MICU3: variants seen among roughly 807,000 people sequenced by gnomAD.
MICU3 encodes the protein mitochondrial calcium uptake 3.
MICU3 carries 62 observed loss-of-function variants against 66.5 expected under a neutral mutation model. The ratio of observed to expected loss-of-function variants is 0.93; its 90% confidence interval spans 0.76 to 1.15. The LOEUF (loss-of-function observed/expected upper bound fraction) is 1.15, where lower values mean the gene tolerates loss of function less well. Ranked by LOEUF, MICU3 falls within the 50% of genes most tolerant of loss-of-function variation. The pLI is 0.00. For synonymous variants in MICU3, 308 were observed against 240.7 expected (o/e 1.28, Z -2.59); for missense variants, 779 against 664.4 (o/e 1.17, Z -1.90).
Position 17,077,833 on chromosome 8 carries a change from G to A in MICU3, c.618G>A (p.Ser206=), listed in dbSNP as rs758615280. The part of the protein sequence containing the change: ...AETPPVWKGS[S]KLFRNLKEKG... The stretch of plus-strand genomic sequence containing the variant: ...CACCACCAGTTTGGAAAGGCTCATC[G>A]AAGCTATTTCGAAATCTTAAAGAAA... Residue 206 remains serine (S), a synonymous_variant, in exon 4 of 15, where the codon TCG becomes TCA. Coordinates refer to ENST00000318063, the MANE Select transcript of MICU3 (RefSeq NM_181723.3). The A allele has an allele frequency of 1.7e-5, 28 of 1,611,622 alleles. No homozygotes were observed. Among genetic ancestry groups the A allele is most frequent in the East Asian group, 6.7e-5 (3 of 44,746 alleles).
chr8:17,061,545 T>C (rs1321849755), intron 1 of MICU3, among the ~76,000 whole-genome samples: 2 of 152,114 alleles, frequency 1.3e-5, no homozygotes, highest in African/African-American at 2.4e-5. Context: ...ATAGATGTTA[T>C]AGGCAGAAAC....
chr8:17,054,589 A>G (rs554127795), intron 1 of MICU3, among the ~76,000 whole-genome samples: 32 of 152,264 alleles, frequency 2.1e-4, no homozygotes, highest in Middle Eastern at 6.8e-3. Context: ...ACTGTAGGAT[A>G]CTAATAATAC....
chr8:17,132,394 GAA>G, the MICU3 span: 1 of 152,112 alleles, frequency 6.6e-6, no homozygotes, highest in African/African-American at 2.4e-5. Context: ...TCTCATTCCT[GAA>G]AGTTCCAAGT....
At chr8:17,118,472 G>A (rs564584187) in intron 13 of MICU3, among the ~76,000 whole-genome samples, 3 of 151,944 alleles carry the variant, frequency 2.0e-5, no homozygotes, top group Admixed American at 2.0e-4. Flanking sequence ...TACTAACTAT[G>A]GTCAACTTAC....
Position 17,085,229 on chromosome 8 carries a change from C to G in MICU3, c.695-7C>G, listed in dbSNP as rs747979584. 1 of 1,586,724 alleles carries G rather than the reference C, an allele frequency of 6.3e-7. No homozygotes were observed. Among genetic ancestry groups the G allele is most frequent in the African/African-American group, 1.4e-5 (1 of 73,574 alleles). On this transcript the variant is annotated splice_region_variant and splice_polypyrimidine_tract_variant and intron_variant, in intron 5 of 14. Coordinates refer to ENST00000318063, the MANE Select transcript of MICU3 (RefSeq NM_181723.3). ...TTTGTGAATACCTTCTCTGTTTTTT[C>G]TGGCAGAGCCACATGCAGGGTTCAG... is the stretch of plus-strand genomic sequence containing the variant.
intron 4 of MICU3, among the ~76,000 whole-genome samples, chr8:17,080,672 G>A (rs1585386326): frequency 6.6e-6 from 1 of 151,982 alleles, no homozygotes; most frequent in Non-Finnish European, 1.5e-5. Flanking sequence ...CTGTCTATAG[G>A]TCACAATATT....
chr8:17,077,354 A>C (rs1820527169), intron 3 of MICU3, among the ~76,000 whole-genome samples: 1 of 152,136 alleles, frequency 6.6e-6, no homozygotes, highest in East Asian at 1.9e-4. Context: ...TCTAATTCCA[A>C]ATGTGTTACA....
chr8:17,099,704 A>G (rs1405572308), intron 9 of MICU3, among the ~76,000 whole-genome samples: 2 of 151,786 alleles, frequency 1.3e-5, no homozygotes, highest in Non-Finnish European at 2.9e-5. Context: ...TTTATTTTGT[A>G]ATCATTATGT....
intron 1 of MICU3, among the ~76,000 whole-genome samples, chr8:17,033,625 G>T (rs1438687273): frequency 6.6e-6 from 1 of 152,064 alleles, no homozygotes; most frequent in Non-Finnish European, 1.5e-5. Flanking sequence ...TTTTAGTAGA[G>T]ACGGGATTTC....
chr8:17,121,952 A>T lies in MICU3; in HGVS notation c.*1665A>T, dbSNP rs1803225566. ...TTACCTTACACTGAATGTTCTTAAT[A>T]TGATTTGGTACCTAAAGTAATTGAA... On this transcript the variant is annotated 3_prime_UTR_variant, in exon 15 of 15. Coordinates refer to ENST00000318063, the MANE Select transcript of MICU3 (RefSeq NM_181723.3). 6.6e-6 allele frequency: 1 copy of T among 151,830 alleles called. No homozygotes were observed. The highest frequency in any genetic ancestry group is 6.6e-5 in the Admixed American group (1 of 15,252). The allele number at this position is 151,830 out of a possible 1,614,324, so 9.4% of individuals were successfully genotyped here.
rs200222701 is a variant in MICU3 at position 17,098,506 on chromosome 8, A to T, written c.937A>T (p.Thr313Ser). 1 of 1,611,844 alleles carries T rather than the reference A, an allele frequency of 6.2e-7. No individual in the cohort carries two copies. The highest frequency in any genetic ancestry group is 1.1e-5 in the South Asian group (1 of 91,018). ...EELVSRSYWD[T>S]LRRNTSQALF... ...ACTTGTCTCCAGAAGCTATTGGGAT[A>T]CACTGAGACGTAACACAAGCCAAGC... Residue 313 changes from threonine to serine, a missense_variant, in exon 9 of 15, where the codon ACA becomes TCA. Thr to Ser is a moderately conservative substitution (Grantham distance 58). Coordinates refer to ENST00000318063, the MANE Select transcript of MICU3 (RefSeq NM_181723.3).
intron 7 of MICU3, among the ~76,000 whole-genome samples, chr8:17,088,416 T>A (rs549923316): frequency 6.6e-6 from 1 of 152,104 alleles, no homozygotes; most frequent in Non-Finnish European, 1.5e-5. Flanking sequence ...GACTAGAGAA[T>A]TGAATACTTT....
intron 5 of MICU3, among the ~76,000 whole-genome samples, chr8:17,083,847 T>A (rs1821553449): frequency 6.6e-6 from 1 of 151,994 alleles, no homozygotes; most frequent in African/African-American, 2.4e-5. Flanking sequence ...GATCCGATAT[T>A]AGAAGTTAAG....
At chr8:17,106,041 G>C (rs1801709744) in intron 11 of MICU3, among the ~76,000 whole-genome samples, 1 of 152,064 alleles carries the variant, frequency 6.6e-6, no homozygotes, top group African/African-American at 2.4e-5. Flanking sequence ...TTTTCAAAGA[G>C]TTTGGATGTC....
At chr8:17,071,523 G>A (rs535034274) in intron 3 of MICU3, among the ~76,000 whole-genome samples, 45 of 152,140 alleles carry the variant, frequency 3.0e-4, no homozygotes, top group African/African-American at 9.6e-4. Flanking sequence ...AAAACAGTCA[G>A]ATTCTGAGGT....
In MICU3 at chr8:17,120,590, T is replaced by C. The variant is rs560516354; in HGVS notation, c.*303T>C. On this transcript the variant is annotated 3_prime_UTR_variant, in exon 15 of 15. Coordinates refer to ENST00000318063, the MANE Select transcript of MICU3 (RefSeq NM_181723.3). ...GATACTTCCGGTGACTACATATGAA[T>C]GTACTTTCAATATTATTTTTTTATT... 1 of 152,460 alleles carries C rather than the reference T, an allele frequency of 6.6e-6. No homozygotes were observed. The highest frequency in any genetic ancestry group is 1.5e-5 in the Non-Finnish European group (1 of 67,952). 9.4% of individuals were successfully genotyped at this position (152,460 alleles called of 1,614,324 possible). A position where few individuals can be genotyped will look rare whatever the true frequency, so the allele number is the denominator to read the frequency against.
chr8:17,104,302 T>C (rs188910750), intron 9 of MICU3, 89 bp from the exon 10 acceptor site: 7 of 547,710 alleles, frequency 1.3e-5, no homozygotes, highest in African/African-American at 5.8e-5. Flanking sequence ...TGTTTGTATG[T>C]TGATAACAGA....
rs564978970 is a variant in MICU3 at position 17,081,580 on chromosome 8, G to T, written c.647-113G>T. The T allele has an allele frequency of 8.8e-6, 3 of 342,802 alleles. No homozygotes were observed. The South Asian group carries it at 2.0e-4, about 23-fold the overall frequency. The allele number at this position is 342,802 out of a possible 1,614,324, so 21.2% of individuals were successfully genotyped here. A position where few individuals can be genotyped will look rare whatever the true frequency, so the allele number is the denominator to read the frequency against. ...TTGTTATGATTTTATAATAATGATT[G>T]TCATTTAAAATAATATCTAGCATCT... On this transcript the variant is annotated intron_variant, in intron 4 of 14. Coordinates refer to ENST00000318063, the MANE Select transcript of MICU3 (RefSeq NM_181723.3).
At chr8:17,097,845 T>A (rs1270998645) in intron 8 of MICU3, among the ~76,000 whole-genome samples, 2 of 151,752 alleles carry the variant, frequency 1.3e-5, no homozygotes, top group African/African-American at 4.8e-5. Context: ...TTCTCAGAAT[T>A]TAGTATCCTG....
Sources: gnomAD v4.1 joint callset for allele counts (sites outside exome capture counted in the v4.1 genomes callset) on GRCh38, gnomAD v4.1.1 for gene constraint, MANE v1.5 for transcripts, NCBI Gene and HGNC (gene_info 2026-07-23, HGNC 2026-07-21) for gene names.